SETD7: variants seen among roughly 807,000 people sequenced by gnomAD.
SETD7 encodes histone-lysine N-methyltransferase SETD7.
Under a neutral mutation model 41.8 loss-of-function variants are expected in SETD7, and 16 were observed. The ratio of observed to expected loss-of-function variants is 0.38; its 90% CI spans 0.26 to 0.58. SETD7 has a LOEUF of 0.58. SETD7 is among the 20% of genes least tolerant of loss of function. The pLI is 0.64. For synonymous variants in SETD7, 163 were observed against 169.7 expected, an observed-to-expected ratio of 0.96 and a Z score of 0.31; for missense variants, 346 against 459.7, an observed-to-expected ratio of 0.75 and a Z score of 2.26.
downstream of SETD7, among the ~76,000 whole-genome samples, chr4:139,505,667 T>A (rs929584136): frequency 6.6e-5 from 10 of 152,138 alleles, no homozygotes; most frequent in African/African-American, 2.4e-4. Flanking sequence ...CTCAGACTCA[T>A]CCTCAGACTG....
intron 7 of SETD7, among the ~76,000 whole-genome samples, chr4:139,514,995 G>A (rs1232665795): frequency 1.3e-5 from 2 of 151,914 alleles, no homozygotes; most frequent in South Asian, 2.1e-4. Flanking sequence ...GCATAAACCC[G>A]TCTCTACTAA....
intron 4 of SETD7, among the ~76,000 whole-genome samples, chr4:139,524,188 T>G (rs909535992): frequency 5.3e-5 from 8 of 152,256 alleles, no homozygotes; most frequent in African/African-American, 1.7e-4. Flanking sequence ...AATTCTTCAG[T>G]AGTTACTAAT....
intron 7 of SETD7, among the ~76,000 whole-genome samples, chr4:139,497,030 C>G (rs914870237): frequency 6.6e-6 from 1 of 152,160 alleles, no homozygotes; most frequent in East Asian, 1.9e-4. Flanking sequence ...GTGCTCCAGG[C>G]AGAGAGAGAT....
intron 7 of SETD7, among the ~76,000 whole-genome samples, chr4:139,514,551 T>C (rs1726968641): frequency 6.6e-6 from 1 of 152,172 alleles, no homozygotes; most frequent in African/African-American, 2.4e-5. Context: ...GGCACAGTGG[T>C]TAAGAGCCTT....
At chr4:139,497,002 C>T (rs60491216) in intron 7 of SETD7, among the ~76,000 whole-genome samples, 1 of 152,152 alleles carries the variant, frequency 6.6e-6, no homozygotes, top group African/African-American at 2.4e-5. Flanking sequence ...TCTTATAACT[C>T]GTGTTTTACA....
chr4:139,544,996 T>C (rs1727897863), intron 2 of SETD7, among the ~76,000 whole-genome samples: 1 of 152,182 alleles, frequency 6.6e-6, no homozygotes, highest in Admixed American at 6.5e-5. Context: ...AGGAAACCTC[T>C]GTCCTTGGAG....
chr4:139,547,797 C>T (rs75773585), intron 1 of SETD7, among the ~76,000 whole-genome samples: 1 of 152,174 alleles, frequency 6.6e-6, no homozygotes, highest in Admixed American at 6.5e-5. Flanking sequence ...TATCCTATAC[C>T]GTCCACCACT....
chr4:139,502,412 T>C (rs977339025), downstream of SETD7, among the ~76,000 whole-genome samples: 3 of 152,120 alleles, frequency 2.0e-5, no homozygotes, highest in Admixed American at 2.0e-4. Context: ...GAAGTCCTCA[T>C]GCAGCAAAGA....
chr4:139,525,854 G>A (rs1264886605), intron 4 of SETD7, among the ~76,000 whole-genome samples: 2 of 152,102 alleles, frequency 1.3e-5, no homozygotes, highest in African/African-American at 2.4e-5. Flanking sequence ...ACTAAAGATC[G>A]GTCTATAGGA....
chr4:139,534,463 C>T (rs927883821), intron 2 of SETD7, among the ~76,000 whole-genome samples: 4 of 152,220 alleles, frequency 2.6e-5, no homozygotes, highest in Admixed American at 6.5e-5. Flanking sequence ...TCATGGCTCA[C>T]TGCAGCCTCG....
intron 2 of SETD7, among the ~76,000 whole-genome samples, chr4:139,539,999 T>G (rs943350657): frequency 2.0e-5 from 3 of 152,182 alleles, no homozygotes; most frequent in African/African-American, 7.2e-5. Flanking sequence ...ACCCAGTCTA[T>G]GGAATTTGTT....
chr4:139,502,883 A>C (rs924855890), downstream of SETD7, among the ~76,000 whole-genome samples: 1 of 152,104 alleles, frequency 6.6e-6, no homozygotes, highest in African/African-American at 2.4e-5. Context: ...TGAGAATAAA[A>C]TTATAAGAAG....
chr4:139,527,310 A>G (rs902277932), intron 4 of SETD7, among the ~76,000 whole-genome samples: 2 of 152,212 alleles, frequency 1.3e-5, no homozygotes, highest in African/African-American at 4.8e-5. Context: ...TCCCAGCACT[A>G]TGAGAGTCCG....
chr4:139,550,026 C>A (rs763009226), intron 1 of SETD7, among the ~76,000 whole-genome samples: 1 of 152,016 alleles, frequency 6.6e-6, no homozygotes. Context: ...GCAATCTACC[C>A]ACCTCAGCCT....
At chr4:139,552,562 C>T (rs1263690992) in intron 1 of SETD7, among the ~76,000 whole-genome samples, 1 of 152,160 alleles carries the variant, frequency 6.6e-6, no homozygotes, top group Non-Finnish European at 1.5e-5. Context: ...GCCCCCACGG[C>T]TTCCATGGCT....
At position 139,496,445 on chromosome 4, in the gene SETD7, G is replaced by A. The variant is rs554384509; in HGVS notation, c.997C>T (p.Gln333Ter). The A allele has an allele frequency of 1.4e-6, 1 of 702,474 alleles. No homozygotes were observed. The highest frequency in any genetic ancestry group is 1.7e-5 in the African/African-American group (1 of 57,368). The allele number at this position is 702,474 out of a possible 1,614,324, so 43.5% of individuals were successfully genotyped here. The change falls in exon 8 of 8, where the codon CAA (glutamine) becomes TAA (stop). Residue 333 changes from glutamine to a stop codon, truncating the protein, a stop_gained. Coordinates refer to the SETD7 transcript ENST00000506866. LOFTEE classifies it low-confidence loss of function (END_TRUNC). ...TTTCTGTGTTCTACCCAGGGCGCTTGATCCAGATGTGGGATCTTTGGGAGT... is the reference window on the plus strand; with the variant it reads ...TTTCTGTGTTCTACCCAGGGCGCTTAATCCAGATGTGGGATCTTTGGGAGT...
chr4:139,502,573 A>G (rs1246245475), downstream of SETD7, among the ~76,000 whole-genome samples: 1 of 152,212 alleles, frequency 6.6e-6, no homozygotes, highest in Admixed American at 6.5e-5. Context: ...CAGTCTTCTG[A>G]ACCCCACAGC....
At chr4:139,493,540 AT>A (rs200493936), downstream of SETD7, among the ~76,000 whole-genome samples, 4,338 of 139,566 alleles carry the variant, frequency 0.031, 137 homozygotes, top group African/African-American at 0.083. Context: ...GTACTTTACT[AT>A]TTTTTTTTTT....
intron 2 of SETD7, among the ~76,000 whole-genome samples, chr4:139,535,837 G>A (rs974799564): frequency 6.6e-6 from 1 of 152,062 alleles, no homozygotes; most frequent in African/African-American, 2.4e-5. Context: ...ACAAAAGAGG[G>A]CATATTACAC....
Sources: allele counts gnomAD v4.1 joint callset (sites outside exome capture counted in the v4.1 genomes callset), GRCh38; gene constraint gnomAD v4.1.1; transcripts MANE v1.5; gene names NCBI Gene and HGNC (gene_info 2026-07-23, HGNC 2026-07-21).